The following ADORA2B variants were observed in gnomAD, a reference collection of about 807,000 sequenced individuals.
ADORA2B encodes adenosine receptor A2b.
In ADORA2B, 18 loss-of-function variants were observed where a neutral mutation model predicts 20.8. The observed-to-expected ratio is 0.87, with a 90% CI of 0.60 to 1.29. ADORA2B has a LOEUF of 1.29. Among genes scored for constraint, ADORA2B ranks in the 50% most tolerant of loss-of-function variants. The pLI, the probability that ADORA2B is intolerant of heterozygous loss-of-function variation, is 0.00. For missense variants in ADORA2B, 441 were observed against 422.7 expected (o/e 1.04, Z -0.38); for synonymous variants, 179 against 178.3 (o/e 1.00, Z -0.03).
chr17:15,887,823 C>T, the ADORA2B span, among the ~76,000 whole-genome samples: 14 of 121,054 alleles, frequency 1.2e-4, 3 homozygotes, highest in Non-Finnish European at 1.5e-4. Flanking sequence ...TGGTGGCGGG[C>T]GCCTGTGGTC....
the ADORA2B span, among the ~76,000 whole-genome samples, chr17:15,872,280 T>C: frequency 2.6e-5 from 4 of 152,250 alleles, no homozygotes; most frequent in African/African-American, 4.8e-5. Flanking sequence ...TTTGGTTCCA[T>C]TGGTCTTTTA....
the ADORA2B span, among the ~76,000 whole-genome samples, chr17:15,865,622 C>A: frequency 1.1e-4 from 17 of 152,298 alleles, no homozygotes; most frequent in African/African-American, 4.1e-4. Context: ...CACTCGCATC[C>A]AGAAGAAGAG....
At chr17:15,901,237 G>C in the ADORA2B span, among the ~76,000 whole-genome samples, 1 of 152,114 alleles carries the variant, frequency 6.6e-6, no homozygotes, top group African/African-American at 2.4e-5. Context: ...AGGCTGAGGT[G>C]GGCAGATCAC....
rs544202480 is a variant in ADORA2B, at chr17:15,975,227, G to C, written c.884G>C (p.Arg295Pro). The C allele has an allele frequency of 6.2e-7, 1 of 1,613,824 alleles. No individual in the cohort carries two copies. The highest frequency in any genetic ancestry group is 1.3e-5 in the African/African-American group (1 of 74,896). Residue 295 changes from arginine to proline, a missense_variant, in exon 2 of 2, where the codon CGA (arginine) becomes CCA (proline). Arg to Pro is a moderately radical substitution (Grantham distance 103). Transcript: ENST00000304222. ...VNPIVYAYRN[R>P]DFRYTFHKII... ...CCCATTGTCTATGCTTACCGGAACC[G>C]AGACTTCCGCTACACTTTTCACAAA...
At chr17:15,853,787 G>A in the ADORA2B span, among the ~76,000 whole-genome samples, 1 of 152,096 alleles carries the variant, frequency 6.6e-6, no homozygotes, top group East Asian at 1.9e-4. Context: ...AGAAAAAAAG[G>A]TAAACTTTCT....
the ADORA2B span, among the ~76,000 whole-genome samples, chr17:15,885,486 G>A: frequency 6.6e-6 from 1 of 152,150 alleles, no homozygotes; most frequent in African/African-American, 2.4e-5. Context: ...GGCCGAAGTG[G>A]GCAGATCACT....
the ADORA2B span, among the ~76,000 whole-genome samples, chr17:15,887,057 G>A: frequency 7.7e-6 from 1 of 130,718 alleles, no homozygotes; most frequent in Non-Finnish European, 1.6e-5. Context: ...CCTCCTGAGT[G>A]TCTGTCAAAT....
At chr17:15,966,159 G>T (rs1213401793) in intron 1 of ADORA2B, among the ~76,000 whole-genome samples, 1 of 152,218 alleles carries the variant, frequency 6.6e-6, no homozygotes, top group South Asian at 2.1e-4. Context: ...GGAATTTAAA[G>T]CTTGTGAGCT....
At chr17:15,912,431 C>CCTGAAGTG in the ADORA2B span, among the ~76,000 whole-genome samples, 15 of 152,024 alleles carry the variant, frequency 9.9e-5, no homozygotes, top group Non-Finnish European at 2.1e-4. Flanking sequence ...GGCTGCCTGT[C>CCTGAAGTG]CTGAAGTGTT....
the ADORA2B span, among the ~76,000 whole-genome samples, chr17:15,893,117 A>T: frequency 6.6e-6 from 1 of 152,106 alleles, no homozygotes; most frequent in Non-Finnish European, 1.5e-5. Context: ...ATTTTTCTCA[A>T]ATGACTTTTG....
the ADORA2B span, among the ~76,000 whole-genome samples, chr17:15,923,206 A>ATTTTTTTTTTTT: frequency 1.5e-4 from 17 of 113,518 alleles, no homozygotes; most frequent in South Asian, 2.7e-4. Context: ...TCTTTTTTTA[A>ATTTTTTTTTTTT]TTTTTTTTTT....
the ADORA2B span, among the ~76,000 whole-genome samples, chr17:15,876,544 C>G: frequency 7.6e-6 from 1 of 131,750 alleles, no homozygotes; most frequent in Non-Finnish European, 1.6e-5. Flanking sequence ...TTGGTAATTT[C>G]TTCTACTCTG....
At chr17:15,866,328 T>C in the ADORA2B span, among the ~76,000 whole-genome samples, 1 of 152,060 alleles carries the variant, frequency 6.6e-6, no homozygotes, top group Admixed American at 6.6e-5. Flanking sequence ...ATCAGTCTTT[T>C]TACTGGAGGT....
the ADORA2B span, among the ~76,000 whole-genome samples, chr17:15,898,348 C>CA: frequency 6.6e-6 from 1 of 151,882 alleles, no homozygotes; most frequent in Non-Finnish European, 1.5e-5. Context: ...GACTGGAGTG[C>CA]AATGGCGCGA....
the ADORA2B span, among the ~76,000 whole-genome samples, chr17:15,911,011 G>A: frequency 1.1e-4 from 16 of 152,332 alleles, no homozygotes; most frequent in Middle Eastern, 0.01. Flanking sequence ...GACCAGAGAT[G>A]CAGTCTACAT....
the ADORA2B span, among the ~76,000 whole-genome samples, chr17:15,884,027 A>C: frequency 6.6e-6 from 1 of 152,234 alleles, no homozygotes; most frequent in Non-Finnish European, 1.5e-5. Flanking sequence ...AAACCAAAGC[A>C]TCAAGAGGCT....
chr17:15,867,620 CGGG>C, the ADORA2B span, among the ~76,000 whole-genome samples: 5 of 146,276 alleles, frequency 3.4e-5, no homozygotes, highest in South Asian at 1.1e-3. Flanking sequence ...GGAAGGGAGG[CGGG>C]GGGGTCAGCC....
the ADORA2B span, among the ~76,000 whole-genome samples, chr17:15,906,806 C>G: frequency 6.6e-6 from 1 of 152,218 alleles, no homozygotes; most frequent in Non-Finnish European, 1.5e-5. Flanking sequence ...ACAGCATACT[C>G]TCTTCTGACA....
At chr17:15,889,258 TCA>T in the ADORA2B span, among the ~76,000 whole-genome samples, 1 of 129,380 alleles carries the variant, frequency 7.7e-6, no homozygotes, top group East Asian at 2.0e-4. Flanking sequence ...ATTTAAACAC[TCA>T]CACATTAAGA....
Sources: allele counts gnomAD v4.1 joint callset (sites outside exome capture counted in the v4.1 genomes callset), GRCh38; gene constraint gnomAD v4.1.1; transcripts MANE v1.5; gene names NCBI Gene and HGNC (gene_info 2026-07-23, HGNC 2026-07-21).